DSCAM: variants seen among roughly 807,000 people sequenced by gnomAD.
DSCAM encodes the protein DS cell adhesion molecule.
DSCAM carries 47 observed loss-of-function variants against 217.7 expected under a neutral mutation model. The observed-to-expected ratio is 0.22, with a 90% CI of 0.17 to 0.28. The LOEUF (loss-of-function observed/expected upper bound fraction) is 0.28, where lower values mean the gene tolerates loss of function less well. Among genes scored for constraint, DSCAM ranks in the 10% least tolerant of loss-of-function variants. The pLI is 1.00. For missense variants in DSCAM, 2,080 were observed against 2,618.3 expected (o/e 0.79, Z 4.49); for synonymous variants, 1,056 against 1,015.3 (o/e 1.04, Z -0.76).
At chr21:40,168,856 T>C (rs1180105313) in intron 15 of DSCAM, among the ~76,000 whole-genome samples, 1 of 152,218 alleles carries the variant, frequency 6.6e-6, no homozygotes, top group African/African-American at 2.4e-5. Flanking sequence ...TATCACTTGT[T>C]GGCTGTGTGC....
intron 3 of DSCAM, among the ~76,000 whole-genome samples, chr21:40,655,117 A>G (rs1417018431): frequency 3.3e-5 from 5 of 152,138 alleles, no homozygotes; most frequent in Non-Finnish European, 7.3e-5. Context: ...CACAGTCCAC[A>G]GCGTGCCACA....
chr21:40,692,780 T>TG, intron 3 of DSCAM, 30 bp downstream of exon 3: 2 of 1,581,076 alleles, frequency 1.3e-6, no homozygotes, highest in Admixed American at 1.7e-5. Flanking sequence ...GTGAGCGTGG[T>TG]GTCCTGCACC....
intron 1 of DSCAM, among the ~76,000 whole-genome samples, chr21:40,714,400 G>C (rs535513408): frequency 6.6e-6 from 1 of 152,270 alleles, no homozygotes; most frequent in South Asian, 2.1e-4. Flanking sequence ...AAGCCACCAA[G>C]GCAGCTTTTC....
At chr21:40,189,428 C>A (rs1460031098) in intron 11 of DSCAM, among the ~76,000 whole-genome samples, 190 bp from the exon 12 acceptor site, 1 of 152,124 alleles carries the variant, frequency 6.6e-6, no homozygotes, top group African/African-American at 2.4e-5. Flanking sequence ...AGTAAGTGAG[C>A]CCTCAGCAGA....
intron 8 of DSCAM, among the ~76,000 whole-genome samples, chr21:40,322,919 C>T (rs2074275950): frequency 6.6e-6 from 1 of 152,202 alleles, no homozygotes; most frequent in Non-Finnish European, 1.5e-5. Context: ...GGAGGAGTTG[C>T]ACTGACCAGA....
intron 26 of DSCAM, among the ~76,000 whole-genome samples, chr21:40,077,586 C>A (rs2089384731): frequency 6.6e-6 from 1 of 152,156 alleles, no homozygotes; most frequent in Non-Finnish European, 1.5e-5. Context: ...GAAAGAATCA[C>A]TCTCCTAGAG....
rs1477353247 is a variant in DSCAM, at chr21:40,261,650, TCTACAC to T, written c.2356+14441_2356+14446del. Among the ~76,000 whole-genome samples the T allele has an allele frequency of 2.4e-3, 276 of 112,730 alleles. 4 individuals carry two copies. Among genetic ancestry groups the T allele is most frequent in the African/African-American group, 7.5e-3 (261 of 34,596 alleles). 74.0% of individuals were successfully genotyped at this position (112,730 alleles called of 152,430 possible). ...ATAATAAACTTATTCTCTCTCTCTC[TCTACAC>T]ACACACACACACACACACACACACA... On this transcript the variant is annotated intron_variant, in intron 11 of 32. Coordinates refer to ENST00000400454, the MANE Select transcript of DSCAM (RefSeq NM_001389.5).
intron 9 of DSCAM, among the ~76,000 whole-genome samples, chr21:40,310,403 TG>T (rs2074124867): frequency 6.6e-6 from 1 of 152,340 alleles, no homozygotes; most frequent in East Asian, 1.9e-4. Flanking sequence ...CACACTGACC[TG>T]TTTGTGAAGC....
At chr21:40,746,679 CAA>C (rs2091178126) in intron 1 of DSCAM, among the ~76,000 whole-genome samples, 1 of 151,814 alleles carries the variant, frequency 6.6e-6, no homozygotes, top group Admixed American at 6.6e-5. Flanking sequence ...AGAAAACCAA[CAA>C]AGAGACGTTG....
intron 11 of DSCAM, among the ~76,000 whole-genome samples, chr21:40,233,267 G>C (rs2091397985): frequency 6.6e-6 from 1 of 151,938 alleles, no homozygotes; most frequent in African/African-American, 2.4e-5. Context: ...CTGAAAAAGA[G>C]GGTTTTTACA....
chr21:40,762,917 A>G (rs2091349576), intron 1 of DSCAM, among the ~76,000 whole-genome samples: 1 of 152,230 alleles, frequency 6.6e-6, no homozygotes, highest in Admixed American at 6.5e-5. Context: ...AACTCTCAAT[A>G]AACTAGGTCT....
intron 18 of DSCAM, among the ~76,000 whole-genome samples, chr21:40,140,431 C>G (rs923384145): frequency 2.6e-5 from 4 of 152,106 alleles, no homozygotes; most frequent in Non-Finnish European, 5.9e-5. Flanking sequence ...ATGAAGATAC[C>G]AGCAGGCAAT....
chr21:40,162,237 C>T (rs1466369197), intron 16 of DSCAM, among the ~76,000 whole-genome samples: 1 of 152,180 alleles, frequency 6.6e-6, no homozygotes, highest in Non-Finnish European at 1.5e-5. Flanking sequence ...ACTTCAGGAT[C>T]TCCCTCTGCA....
At chr21:40,319,139 G>A (rs1283592983) in intron 8 of DSCAM, among the ~76,000 whole-genome samples, 1 of 152,128 alleles carries the variant, frequency 6.6e-6, no homozygotes, top group African/African-American at 2.4e-5. Flanking sequence ...AATTTCTGTG[G>A]ATGAATGAAG....
intron 16 of DSCAM, among the ~76,000 whole-genome samples, chr21:40,152,738 G>A (rs1011229249): frequency 2.0e-5 from 3 of 152,274 alleles, no homozygotes; most frequent in Admixed American, 2.0e-4. Context: ...TGTGGCAGAT[G>A]CATCATCCTT....
chr21:40,438,689 GA>G (rs2145909414), intron 3 of DSCAM, among the ~76,000 whole-genome samples: 1 of 152,288 alleles, frequency 6.6e-6, no homozygotes, highest in South Asian at 2.1e-4. Flanking sequence ...ACAACATAAG[GA>G]ATGAGGACTG....
chr21:40,650,793 A>G (rs1310074493), intron 3 of DSCAM, among the ~76,000 whole-genome samples: 1 of 152,218 alleles, frequency 6.6e-6, no homozygotes, highest in Non-Finnish European at 1.5e-5. Context: ...GTGCGCCTTT[A>G]GTCCCAGCTA....
chr21:40,192,586 C>T (rs576327018), intron 11 of DSCAM, among the ~76,000 whole-genome samples: 59 of 152,298 alleles, frequency 3.9e-4, no homozygotes, highest in African/African-American at 1.3e-3. Context: ...TACCCAGTCT[C>T]TGGTATGTCT....
At chr21:40,511,249 A>C (rs149274576) in intron 3 of DSCAM, among the ~76,000 whole-genome samples, 113 of 152,298 alleles carry the variant, frequency 7.4e-4, no homozygotes, top group African/African-American at 2.6e-3. Flanking sequence ...TATTTTATAG[A>C]TAAAGAAATA....
Sources: allele counts gnomAD v4.1 joint callset (sites outside exome capture counted in the v4.1 genomes callset), GRCh38; gene constraint gnomAD v4.1.1; transcripts MANE v1.5; gene names NCBI Gene and HGNC (gene_info 2026-07-23, HGNC 2026-07-21).